Variants in DLGAP1 observed in about 807,000 individuals in gnomAD.
DLGAP1 encodes disks large-associated protein 1.
A neutral mutation model predicts 90.8 loss-of-function variants in DLGAP1; 11 were observed. That is an observed-to-expected ratio of 0.12 (90% confidence interval 0.08 to 0.20). DLGAP1 has a LOEUF of 0.20. Ranked by LOEUF, DLGAP1 falls within the 10% of genes least tolerant of loss-of-function variation. The probability of loss-of-function intolerance (pLI) is 1.00; values close to 1 mark genes in which losing one functional copy is unlikely to be tolerated. For synonymous variants in DLGAP1, 558 were observed against 540.7 expected (o/e 1.03, Z -0.44); for missense variants, 1,050 against 1,333.8 (o/e 0.79, Z 3.31).
At chr18:3,714,929 G>A (rs1365726604) in intron 7 of DLGAP1, among the ~76,000 whole-genome samples, 2 of 152,078 alleles carry the variant, frequency 1.3e-5, no homozygotes, top group Non-Finnish European at 2.9e-5. Flanking sequence ...GAGCCACCAC[G>A]CCCAGTAAGG....
chr18:4,416,126 G>A (rs1423225400), intron 1 of DLGAP1, among the ~76,000 whole-genome samples: 3 of 151,996 alleles, frequency 2.0e-5, no homozygotes, highest in Non-Finnish European at 4.4e-5. Context: ...CTAAATTGTA[G>A]TGACATATTA....
chr18:3,555,794 G>A (rs1003397982), intron 9 of DLGAP1, among the ~76,000 whole-genome samples: 1 of 152,020 alleles, frequency 6.6e-6, no homozygotes, highest in Non-Finnish European at 1.5e-5. Flanking sequence ...TGGGCAACAG[G>A]AGCGAAACTC....
chr18:4,171,519 C>T (rs994784839), intron 1 of DLGAP1, among the ~76,000 whole-genome samples: 65 of 150,312 alleles, frequency 4.3e-4, no homozygotes, highest in Non-Finnish European at 7.5e-4. Context: ...GAGCCGAGAT[C>T]GCACCACTGC....
At chr18:4,303,875 T>C (rs2080187225) in intron 1 of DLGAP1, among the ~76,000 whole-genome samples, 1 of 152,230 alleles carries the variant, frequency 6.6e-6, no homozygotes, top group Admixed American at 6.5e-5. Flanking sequence ...TCCTAGTTCC[T>C]TTTTAATTCT....
chr18:3,550,013 A>G (rs1308552425), intron 9 of DLGAP1, among the ~76,000 whole-genome samples: 3 of 152,166 alleles, frequency 2.0e-5, no homozygotes, highest in Non-Finnish European at 4.4e-5. Flanking sequence ...TTTCGGGTTC[A>G]AGCGATTTTC....
intron 5 of DLGAP1, among the ~76,000 whole-genome samples, chr18:3,811,392 TATG>T (rs2066832291): frequency 6.6e-6 from 1 of 152,206 alleles, no homozygotes; most frequent in South Asian, 2.1e-4. Flanking sequence ...CAAACCTTGT[TATG>T]ATGTTGGCAC....
intron 5 of DLGAP1, among the ~76,000 whole-genome samples, chr18:3,763,164 T>C (rs979209013): frequency 6.6e-6 from 1 of 152,156 alleles, no homozygotes; most frequent in East Asian, 1.9e-4. Flanking sequence ...CACCATCTAA[T>C]CAGCTGCCAG....
intron 1 of DLGAP1, among the ~76,000 whole-genome samples, chr18:4,245,573 G>C (rs2145157607): frequency 6.6e-6 from 1 of 152,254 alleles, no homozygotes; most frequent in East Asian, 1.9e-4. Flanking sequence ...AATAGCCCTA[G>C]ACTTTCAAAT....
At chr18:3,762,971 C>T (rs1205746710) in intron 5 of DLGAP1, among the ~76,000 whole-genome samples, 1 of 151,914 alleles carries the variant, frequency 6.6e-6, no homozygotes, top group Non-Finnish European at 1.5e-5. Context: ...GGAAATCCTG[C>T]TAGGATGCAG....
At chr18:4,227,421 A>C (rs749311594) in intron 1 of DLGAP1, among the ~76,000 whole-genome samples, 48 of 152,088 alleles carry the variant, frequency 3.2e-4, no homozygotes, top group Admixed American at 2.0e-4. Context: ...CAGCACATGA[A>C]TCATTCTCTA....
intron 1 of DLGAP1, among the ~76,000 whole-genome samples, chr18:4,334,585 T>A (rs2081029172): frequency 1.3e-5 from 2 of 151,972 alleles, no homozygotes; most frequent in South Asian, 4.1e-4. Context: ...GTCATGTGTC[T>A]TCAGCAACTA....
At chr18:3,861,773 T>G (rs2070077677) in intron 4 of DLGAP1, among the ~76,000 whole-genome samples, 1 of 152,230 alleles carries the variant, frequency 6.6e-6, no homozygotes, top group African/African-American at 2.4e-5. Context: ...CCTGCTGATG[T>G]TCCAATCCTA....
intron 1 of DLGAP1, among the ~76,000 whole-genome samples, chr18:4,244,963 T>C (rs2078623399): frequency 6.6e-6 from 1 of 152,216 alleles, no homozygotes; most frequent in Non-Finnish European, 1.5e-5. Context: ...TAAGATTCTA[T>C]AAACAGTTCT....
chr18:4,238,229 G>A (rs937075702), intron 1 of DLGAP1, among the ~76,000 whole-genome samples: 7 of 152,134 alleles, frequency 4.6e-5, no homozygotes, highest in African/African-American at 7.2e-5. Flanking sequence ...TGAGTTAAAT[G>A]AGATGGTATC....
chr18:3,620,860 G>A (rs1283070769), intron 7 of DLGAP1, among the ~76,000 whole-genome samples: 1 of 152,094 alleles, frequency 6.6e-6, no homozygotes, highest in African/African-American at 2.4e-5. Flanking sequence ...GTCCGGCCTG[G>A]TATCACATTT....
At chr18:4,249,594 T>C (rs896026978) in intron 1 of DLGAP1, among the ~76,000 whole-genome samples, 1 of 152,146 alleles carries the variant, frequency 6.6e-6, no homozygotes, top group African/African-American at 2.4e-5. Context: ...AGTTTATTTA[T>C]TTTTTTCTTT....
chr18:4,363,548 C>G (rs1397190133), intron 1 of DLGAP1, among the ~76,000 whole-genome samples: 2 of 152,008 alleles, frequency 1.3e-5, no homozygotes, highest in Non-Finnish European at 2.9e-5. Context: ...TGAACTCAAA[C>G]AAATTTACAA....
At chr18:4,434,377 C>A (rs2083354376) in intron 1 of DLGAP1, among the ~76,000 whole-genome samples, 1 of 152,118 alleles carries the variant, frequency 6.6e-6, no homozygotes, top group Admixed American at 6.6e-5. Context: ...ACTTCTCCTT[C>A]CCCTTGCCTT....
intron 7 of DLGAP1, among the ~76,000 whole-genome samples, chr18:3,728,888 C>G (rs2062298693): frequency 6.6e-6 from 1 of 152,142 alleles, no homozygotes; most frequent in Admixed American, 6.5e-5. Context: ...TGTGCTGTCC[C>G]TCCCTCATGG....
Sources: allele counts gnomAD v4.1 joint callset (sites outside exome capture counted in the v4.1 genomes callset), GRCh38; gene constraint gnomAD v4.1.1; transcripts MANE v1.5; gene names NCBI Gene and HGNC (gene_info 2026-07-23, HGNC 2026-07-21).